GPR160: variants seen among roughly 807,000 people sequenced by gnomAD.
GPR160 encodes the protein G protein-coupled receptor 160.
In GPR160, 2 loss-of-function variants were observed where a neutral mutation model predicts 2.6. The observed-to-expected ratio is 0.77, with a 90% confidence interval of 0.32 to 2.44. The LOEUF (loss-of-function observed/expected upper bound fraction) is 2.44, where lower values mean the gene tolerates loss of function less well. Among genes scored for constraint, GPR160 ranks in the 30% most tolerant of loss-of-function variants. The pLI, the probability that GPR160 is intolerant of heterozygous loss-of-function variation, is 0.11. For synonymous variants in GPR160, 130 were observed against 132.2 expected (o/e 0.98, Z 0.12); for missense variants, 351 against 383.6 (o/e 0.91, Z 0.71).
At chr3:170,049,300 A>G (rs1304474799) in intron 2 of GPR160, among the ~76,000 whole-genome samples, 1 of 152,214 alleles carries the variant, frequency 6.6e-6, no homozygotes, top group Admixed American at 6.5e-5. Context: ...GTGGTAATCC[A>G]TCTTATGACT....
chr3:170,054,871 G>A (rs1210173554), intron 2 of GPR160, among the ~76,000 whole-genome samples: 2 of 150,648 alleles, frequency 1.3e-5, no homozygotes, highest in African/African-American at 4.9e-5. Flanking sequence ...TTGGCTCACT[G>A]CAACCTCTGC....
intron 2 of GPR160, among the ~76,000 whole-genome samples, chr3:170,050,127 T>C: frequency 6.6e-6 from 1 of 152,180 alleles, no homozygotes; most frequent in Admixed American, 6.5e-5. Flanking sequence ...TGGTGCGTTC[T>C]CGGCTCACTG....
Position 170,085,366 on chromosome 3 carries a change from T to C in GPR160, c.*377T>C, listed in dbSNP as rs1713384412. 1 of 169,824 alleles carries C rather than the reference T, an allele frequency of 5.9e-6. No individual in the cohort carries two copies. Among genetic ancestry groups the C allele is most frequent in the Non-Finnish European group, 1.4e-5 (1 of 70,162 alleles). 10.5% of individuals were successfully genotyped at this position (169,824 alleles called of 1,614,324 possible). ...AACTTTAAGATATCAACCTAAACAT[T>C]TTTATTAAATGTTCAAATGAAAGCA... is the stretch of plus-strand genomic sequence containing the variant. On this transcript the variant is annotated 3_prime_UTR_variant, in exon 4 of 4. Coordinates refer to ENST00000355897, the MANE Select transcript of GPR160 (RefSeq NM_014373.3).
chr3:170,052,800 A>G (rs1170305911), intron 2 of GPR160, among the ~76,000 whole-genome samples: 1 of 151,986 alleles, frequency 6.6e-6, no homozygotes, highest in Admixed American at 6.6e-5. Context: ...TCTTTACTCT[A>G]AGGTTGCAAA....
intron 2 of GPR160, among the ~76,000 whole-genome samples, chr3:170,043,964 G>A (rs989451846): frequency 6.8e-6 from 1 of 146,184 alleles, no homozygotes; most frequent in Non-Finnish European, 1.5e-5. Flanking sequence ...CCCTGAGATT[G>A]TACTTTTTTT....
chr3:170,063,040 GA>G (rs1712062768), intron 2 of GPR160: 2 of 180,278 alleles, frequency 1.1e-5, no homozygotes. Context: ...GGCAGAGGGA[GA>G]CTCCAGCTCA....
At chr3:170,042,971 T>TC (rs1716528722) in intron 2 of GPR160, among the ~76,000 whole-genome samples, 1 of 149,084 alleles carries the variant, frequency 6.7e-6, no homozygotes, top group South Asian at 2.1e-4. Flanking sequence ...AAGCTCTGCC[T>TC]CCCGGATTCA....
intron 2 of GPR160, among the ~76,000 whole-genome samples, chr3:170,076,006 C>G (rs1253182884): frequency 6.6e-6 from 1 of 152,190 alleles, no homozygotes; most frequent in Non-Finnish European, 1.5e-5. Context: ...AAGGACAAAT[C>G]AAGAATCTCT....
At chr3:170,039,321 AC>A (rs1389526770) in intron 2 of GPR160, among the ~76,000 whole-genome samples, 2 of 152,170 alleles carry the variant, frequency 1.3e-5, no homozygotes, top group African/African-American at 4.8e-5. Flanking sequence ...AGGGAGGAGG[AC>A]CTGTGTGCAG....
chr3:170,065,772 G>C (rs965220524), intron 2 of GPR160, among the ~76,000 whole-genome samples: 5 of 152,108 alleles, frequency 3.3e-5, no homozygotes, highest in African/African-American at 1.2e-4. Context: ...TAGATAACTT[G>C]TTTTTTTCCT....
At chr3:170,050,308 A>G (rs185088169) in intron 2 of GPR160, among the ~76,000 whole-genome samples, 1,660 of 127,956 alleles carry the variant, frequency 0.013, 12 homozygotes, top group Non-Finnish European at 0.019. Flanking sequence ...CACTGGTGCG[A>G]TCTCAGCTCA....
In GPR160 at chr3:170,084,353, A is replaced by C. The variant is rs374591624; in HGVS notation, c.381A>C (p.Thr127=). 2.7e-5 allele frequency: 43 copies of C among 1,609,642 alleles called. No individual in the cohort carries two copies. The highest frequency in any genetic ancestry group is 1.7e-4 in the South Asian group (15 of 90,488). ...ATTATTGCCTGAATTTCTCTAAAAC[A>C]ACCAAGCTTTCATTTAAGTGTCAAA... The part of the protein sequence containing the change: ...CIDYCLNFSK[T]TKLSFKCQKL... Residue 127 remains threonine, a synonymous_variant, in exon 4 of 4, where the codon ACA becomes ACC. Coordinates refer to ENST00000355897, the MANE Select transcript of GPR160 (RefSeq NM_014373.3).
At position 170,084,168 on chromosome 3, in the gene GPR160, G is replaced by C. The variant is rs935869795; in HGVS notation, c.196G>C (p.Asp66His). 7 of 1,590,274 alleles carry C rather than the reference G, an allele frequency of 4.4e-6. No homozygotes were observed. In the South Asian group the frequency reaches 8.1e-5, roughly 18 times the overall value. Residue 66 changes from aspartate to histidine, a missense_variant, in exon 4 of 4, where the codon GAT becomes CAT. Coordinates refer to ENST00000355897, the MANE Select transcript of GPR160 (RefSeq NM_014373.3). ...TTTTTGCATTTCACTAGCATTCGTT[G>C]ATCTTTTACTTTTGGTAAACATTTC... ...EYFCISLAFVDLLLLVNISII... is the reference protein window; with the variant it reads ...EYFCISLAFVHLLLLVNISII...
Position 170,084,937 on chromosome 3 carries a change from CA to C in GPR160, c.967del (p.Ile323PhefsTer13). ...VNWKCCFIPL[T>X]IPNLEQIEKP... ...TGGAAGTGCTGCTTCATTCCACTTA[CA>C]ATTCCTAATCTTGAGCAAATTGAAA... On this transcript the variant is annotated frameshift_variant, in exon 4 of 4. Transcript: ENST00000355897. LOFTEE classifies it high-confidence loss of function. The C allele has an allele frequency of 6.3e-7, 1 of 1,596,462 alleles. No homozygotes were observed. Among genetic ancestry groups the C allele is most frequent in the Non-Finnish European group, 8.5e-7 (1 of 1,170,196 alleles).
intron 2 of GPR160, among the ~76,000 whole-genome samples, chr3:170,043,128 G>T (rs757894964): frequency 9.2e-5 from 14 of 151,880 alleles, no homozygotes; most frequent in Non-Finnish European, 1.9e-4. Context: ...TGATCTGCCC[G>T]CCTCAGCCTC....
intron 2 of GPR160, chr3:170,062,734 C>G (rs1712032516): frequency 8.6e-7 from 1 of 1,164,868 alleles, no homozygotes; most frequent in African/African-American, 1.5e-5. Flanking sequence ...CGCAAACTCA[C>G]GGATTTCTAC....
intron 2 of GPR160, among the ~76,000 whole-genome samples, chr3:170,064,796 G>C (rs1015800935): frequency 6.6e-6 from 1 of 152,064 alleles, no homozygotes; most frequent in Non-Finnish European, 1.5e-5. Flanking sequence ...GGGATTACAG[G>C]CGTGAACCAC....
intron 2 of GPR160, among the ~76,000 whole-genome samples, chr3:170,065,515 T>A (rs1173063928): frequency 6.6e-6 from 1 of 152,250 alleles, no homozygotes; most frequent in East Asian, 1.9e-4. Flanking sequence ...GGACCGCATG[T>A]ATTGCTCTCC....
intron 2 of GPR160, among the ~76,000 whole-genome samples, chr3:170,058,390 C>T (rs1276457908): frequency 3.3e-5 from 5 of 152,182 alleles, no homozygotes; most frequent in African/African-American, 1.2e-4. Context: ...TCACGCCCCA[C>T]CGGCCATACC....
Sources: allele counts gnomAD v4.1 joint callset (sites outside exome capture counted in the v4.1 genomes callset), GRCh38; gene constraint gnomAD v4.1.1; transcripts MANE v1.5; gene names NCBI Gene and HGNC (gene_info 2026-07-23, HGNC 2026-07-21).